The following SENP1 variants were observed in gnomAD, a reference collection of about 807,000 sequenced individuals.
The protein encoded by SENP1 is sentrin-specific protease 1.
Under a neutral mutation model 93.0 loss-of-function variants are expected in SENP1, and 21 were observed. The ratio of observed to expected loss-of-function variants is 0.23; its 90% CI spans 0.16 to 0.33. The LOEUF is 0.33. SENP1 is among the 10% of genes least tolerant of loss of function. The pLI is 1.00. For missense variants in SENP1, 591 were observed against 758.7 expected (o/e 0.78, Z 2.60); for synonymous variants, 256 against 259.6 (o/e 0.99, Z 0.13).
chr12:48,073,031 T>C (rs893182831), intron 8 of SENP1, among the ~76,000 whole-genome samples: 4 of 151,940 alleles, frequency 2.6e-5, no homozygotes, highest in African/African-American at 9.7e-5. Context: ...GGGAAGGAAA[T>C]AGCACCCCAG....
At position 48,065,690 on chromosome 12, in the gene SENP1, GA is replaced by G; in HGVS notation, c.1035-11del. 6.5e-7 allele frequency: 1 copy of G among 1,537,328 alleles called. No homozygotes were observed. The highest frequency in any genetic ancestry group is 8.8e-7 in the Non-Finnish European group (1 of 1,133,556). Reference sequence around the variant, plus strand: ...ATCATAAACACTAGTTCTAGAAAATGAAAAGGAACGTGACCAAATGTAGACC... The same window carrying G: ...ATCATAAACACTAGTTCTAGAAAATGAAAGGAACGTGACCAAATGTAGACC... On this transcript the variant is annotated splice_polypyrimidine_tract_variant and intron_variant, in intron 10 of 17. Coordinates refer to ENST00000549518, the MANE Select transcript of SENP1 (RefSeq NM_001267594.2).
At chr12:48,091,959 G>A in intron 4 of SENP1, among the ~76,000 whole-genome samples, 1 of 152,152 alleles carries the variant, frequency 6.6e-6, no homozygotes, top group Non-Finnish European at 1.5e-5. Context: ...AGGATTACAG[G>A]CGTGTAAAGT....
At chr12:48,084,767 G>A (rs953122775) in intron 5 of SENP1, among the ~76,000 whole-genome samples, 1 of 152,036 alleles carries the variant, frequency 6.6e-6, no homozygotes, top group Non-Finnish European at 1.5e-5. Flanking sequence ...TTTTTTCTAT[G>A]TGCTCTTTCT....
At chr12:48,101,370 C>T in intron 2 of SENP1, 99 bp downstream of exon 2, 1 of 908,762 alleles carries the variant, frequency 1.1e-6, no homozygotes, top group Non-Finnish European at 1.7e-6. Context: ...TTATTAAGCA[C>T]AAAGATACAA....
chr12:48,082,633 T>G (rs1408240635), intron 6 of SENP1, among the ~76,000 whole-genome samples: 1 of 152,242 alleles, frequency 6.6e-6, no homozygotes, highest in Non-Finnish European at 1.5e-5. Context: ...AGACGTACAT[T>G]AAATATGTAA....
chr12:48,084,827 ATTTTC>A (rs1167623141), intron 5 of SENP1, among the ~76,000 whole-genome samples: 4 of 152,102 alleles, frequency 2.6e-5, no homozygotes, highest in Non-Finnish European at 5.9e-5. Context: ...AGCATAATAC[ATTTTC>A]TTTTTTCTTC....
chr12:48,101,248 T>C (rs1408426061), intron 2 of SENP1, among the ~76,000 whole-genome samples: 1 of 152,264 alleles, frequency 6.6e-6, no homozygotes, highest in Non-Finnish European at 1.5e-5. Flanking sequence ...ATTGTGCTAC[T>C]GCACTCCAGC....
rs143097298 is a variant in SENP1 at position 48,054,917 on chromosome 12, A to G, written c.1408-5785T>C. ...ATAAACATATATATGTTTAAAATAT[A>G]TACATTTTTAAAAACCGGAATATTT... On this transcript the variant is annotated intron_variant, in intron 13 of 17. Transcript: ENST00000549518. The G allele has an allele frequency of 2.4e-3, 441 of 185,368 alleles. 1 individual carries two copies. Among genetic ancestry groups the G allele is most frequent in the African/African-American group, 8.7e-3 (364 of 41,976 alleles). The allele number at this position is 185,368 out of a possible 1,614,324, so 11.5% of individuals were successfully genotyped here.
chr12:48,093,985 T>C (rs1223595538), intron 4 of SENP1, among the ~76,000 whole-genome samples: 5 of 151,868 alleles, frequency 3.3e-5, no homozygotes, highest in African/African-American at 9.7e-5. Context: ...ATAAAAATAC[T>C]GAGTTAAAAA....
chr12:48,100,487 C>T (rs1336940989), intron 2 of SENP1, among the ~76,000 whole-genome samples: 1 of 151,206 alleles, frequency 6.6e-6, no homozygotes, highest in Non-Finnish European at 1.5e-5. Flanking sequence ...AAAAATTAGC[C>T]GGACTTGGCG....
intron 4 of SENP1, 114 bp from the exon 5 acceptor site, chr12:48,089,074 C>T (rs952214650): frequency 3.9e-6 from 6 of 1,541,676 alleles, no homozygotes; most frequent in Non-Finnish European, 5.2e-6. Context: ...CACCATTTCT[C>T]TCATGGAAGA....
rs899633996 is a variant in SENP1, at chr12:48,042,919, T to C, written c.*2403A>G. ...GGGAACACAGGAGAAAAAAGTCTTATTTAGTTTAAAGTAAATTACATAAGA... is the reference window on the plus strand; with the variant it reads ...GGGAACACAGGAGAAAAAAGTCTTACTTAGTTTAAAGTAAATTACATAAGA... On this transcript the variant is annotated 3_prime_UTR_variant, in exon 18 of 18. Coordinates refer to ENST00000549518, the MANE Select transcript of SENP1 (RefSeq NM_001267594.2). 5.3e-5 allele frequency: 8 copies of C among 152,140 alleles called. No individual in the cohort carries two copies. Among genetic ancestry groups the C allele is most frequent in the Non-Finnish European group, 8.8e-5 (6 of 68,012 alleles). The allele number at this position is 152,140 out of a possible 1,614,324, so 9.4% of individuals were successfully genotyped here.
intron 13 of SENP1, among the ~76,000 whole-genome samples, chr12:48,054,231 T>C (rs1467456834): frequency 7.9e-5 from 12 of 152,186 alleles, no homozygotes; most frequent in Admixed American, 4.6e-4. Flanking sequence ...CCAACAGTAA[T>C]AGATTTGTCT....
chr12:48,072,866 C>T (rs1358325124), intron 8 of SENP1, among the ~76,000 whole-genome samples: 1 of 151,934 alleles, frequency 6.6e-6, no homozygotes, highest in African/African-American at 2.4e-5. Flanking sequence ...TTTCAAGCAT[C>T]CACTGGTGGG....
intron 1 of SENP1, 46 bp downstream of exon 1, chr12:48,105,969 TCTCCTGGACCAGG>T: frequency 1.4e-6 from 1 of 698,374 alleles, no homozygotes; most frequent in Non-Finnish European, 2.6e-6. Context: ...TCCGACACAG[TCTCCTGGACCAGG>T]CTCCCTCCAT....
rs1308383823 is a variant in SENP1 at position 48,056,783 on chromosome 12, C to CAT, written c.1407+6925_1407+6926dup. On this transcript the variant is annotated intron_variant, in intron 13 of 17. Coordinates refer to ENST00000549518, the MANE Select transcript of SENP1 (RefSeq NM_001267594.2). ...AATATATTTAACATATTACATATTACATATATATTATTTAATATATTACAT... is the reference window on the plus strand; with the variant it reads ...AATATATTTAACATATTACATATTACATATATATATTATTTAATATATTACAT... Among the ~76,000 whole-genome samples, 2 of 27,670 alleles carry CAT rather than the reference C, an allele frequency of 7.2e-5. 1 individual carries two copies. Among genetic ancestry groups the CAT allele is most frequent in the East Asian group, 8.9e-3 (2 of 224 alleles). The allele number at this position is 27,670 out of a possible 152,430, so 18.2% of individuals were successfully genotyped here.
chr12:48,073,784 AC>A (rs1406187609), intron 8 of SENP1, among the ~76,000 whole-genome samples: 4 of 152,230 alleles, frequency 2.6e-5, no homozygotes, highest in African/African-American at 9.6e-5. Context: ...ATTCTTACTT[AC>A]CACTGTAAAG....
intron 13 of SENP1, among the ~76,000 whole-genome samples, chr12:48,054,119 TAC>T (rs1434098338): frequency 1.3e-5 from 2 of 152,214 alleles, no homozygotes; most frequent in Non-Finnish European, 2.9e-5. Flanking sequence ...GTTCCTGGTG[TAC>T]AAACATTTGG....
chr12:48,056,107 A>T (rs1178401703), intron 13 of SENP1, among the ~76,000 whole-genome samples: 1 of 119,698 alleles, frequency 8.4e-6, no homozygotes, highest in Non-Finnish European at 1.6e-5. Context: ...TATATTATTT[A>T]ATATATATTT....
Sources: gnomAD v4.1 joint callset for allele counts (sites outside exome capture counted in the v4.1 genomes callset) on GRCh38, gnomAD v4.1.1 for gene constraint, MANE v1.5 for transcripts, NCBI Gene and HGNC (gene_info 2026-07-23, HGNC 2026-07-21) for gene names.